Variants in HECW1 observed in about 807,000 individuals in gnomAD.
The protein encoded by HECW1 is E3 ubiquitin-protein ligase HECW1.
HECW1 carries 61 observed loss-of-function variants against 182.3 expected under a neutral mutation model. The observed-to-expected ratio is 0.33, with a 90% CI of 0.27 to 0.41. HECW1 has a LOEUF of 0.41. Ranked by LOEUF, HECW1 falls within the 10% of genes least tolerant of loss-of-function variation. The pLI is 1.00. For missense variants in HECW1, 1,739 were observed against 2,108.9 expected (o/e 0.82, Z 3.44); for synonymous variants, 859 against 832.6 (o/e 1.03, Z -0.55).
At position 43,541,929 on chromosome 7, in the gene HECW1, G is replaced by C; in HGVS notation, c.4179G>C (p.Trp1393Cys). Residue 1393 changes from tryptophan to cysteine, a missense_variant, in exon 26 of 30, where the codon TGG becomes TGC. Around this residue, in one of 5 missense-constraint regions of HECW1, gnomAD observed 420 missense variants for 595.7 expected, o/e 0.71. Coordinates refer to ENST00000395891, the MANE Select transcript of HECW1 (RefSeq NM_015052.5). ...LDEEFHQSLQWMKDNNITDIL... is the reference protein window; with the variant it reads ...LDEEFHQSLQCMKDNNITDIL... The stretch of plus-strand genomic sequence containing the variant: ...AGGAATTCCACCAGAGTTTGCAGTG[G>C]ATGAAGGACAACAACATCACAGACA... 1 of 1,563,158 alleles carries C rather than the reference G, an allele frequency of 6.4e-7. No homozygotes were observed. The highest frequency in any genetic ancestry group is 8.7e-7 in the Non-Finnish European group (1 of 1,154,498).
chr7:43,217,221 C>T (rs1796525324), intron 2 of HECW1, among the ~76,000 whole-genome samples: 2 of 152,198 alleles, frequency 1.3e-5, no homozygotes, highest in African/African-American at 2.4e-5. Context: ...CACTCACTTA[C>T]CTTTCTCATC....
intron 3 of HECW1, among the ~76,000 whole-genome samples, chr7:43,295,808 C>T (rs1437852491): frequency 6.6e-6 from 1 of 152,122 alleles, no homozygotes; most frequent in Non-Finnish European, 1.5e-5. Flanking sequence ...TCATTGTAAG[C>T]CCATTTATAC....
At chr7:43,550,110 A>AT (rs1478027918) in intron 26 of HECW1, among the ~76,000 whole-genome samples, 2 of 151,594 alleles carry the variant, frequency 1.3e-5, no homozygotes, top group Non-Finnish European at 2.9e-5. Flanking sequence ...CTACCAAAAA[A>AT]AAAGAAGAAG....
intron 8 of HECW1, among the ~76,000 whole-genome samples, chr7:43,429,865 C>T (rs1303024352): frequency 6.6e-6 from 1 of 152,194 alleles, no homozygotes; most frequent in African/African-American, 2.4e-5. Context: ...TATCTCGCTG[C>T]AAGAGAGGAG....
intron 26 of HECW1, among the ~76,000 whole-genome samples, chr7:43,547,675 G>T (rs940756086): frequency 1.3e-5 from 2 of 152,148 alleles, no homozygotes; most frequent in African/African-American, 4.8e-5. Flanking sequence ...TTTTTACAAT[G>T]GTCCCTATGC....
chr7:43,552,006 C>T (rs955361998), intron 27 of HECW1, among the ~76,000 whole-genome samples: 3 of 152,138 alleles, frequency 2.0e-5, no homozygotes, highest in Non-Finnish European at 2.9e-5. Flanking sequence ...ATACGATCCC[C>T]TCAGGGGTGA....
intron 27 of HECW1, among the ~76,000 whole-genome samples, chr7:43,551,723 A>G (rs1368212860): frequency 6.6e-6 from 1 of 152,192 alleles, no homozygotes; most frequent in Non-Finnish European, 1.5e-5. Flanking sequence ...ATTTAAGTCA[A>G]TGATCATCGT....
At chr7:43,451,789 C>T (rs997831423) in intron 12 of HECW1, among the ~76,000 whole-genome samples, 3 of 152,122 alleles carry the variant, frequency 2.0e-5, no homozygotes, top group Non-Finnish European at 2.9e-5. Flanking sequence ...TTTGGTTTTG[C>T]TTATTTTTCA....
intron 3 of HECW1, among the ~76,000 whole-genome samples, chr7:43,259,097 G>A (rs978711069): frequency 6.6e-6 from 1 of 152,146 alleles, no homozygotes; most frequent in African/African-American, 2.4e-5. Context: ...TACAAAAAAT[G>A]TCCACTTTGG....
At chr7:43,535,951 A>G (rs1333716921) in intron 24 of HECW1, among the ~76,000 whole-genome samples, 2 of 152,264 alleles carry the variant, frequency 1.3e-5, no homozygotes, top group Non-Finnish European at 2.9e-5. Flanking sequence ...AACTTGCAAC[A>G]TACTAAAACC....
chr7:43,509,138 T>C lies in HECW1; in HGVS notation c.4019+17T>C. ...TCTTGAGTGGTAAGCTCTATAATGT[T>C]CACTTTCTTGTATTTGAAAGTTCTC... On this transcript the variant is annotated intron_variant, in intron 24 of 29. Coordinates refer to ENST00000395891, the MANE Select transcript of HECW1 (RefSeq NM_015052.5). 1 of 1,607,108 alleles carries C rather than the reference T, an allele frequency of 6.2e-7. No individual in the cohort carries two copies. Among genetic ancestry groups the C allele is most frequent in the South Asian group, 1.1e-5 (1 of 89,294 alleles).
chr7:43,249,184 T>G (rs1799773366), intron 3 of HECW1: 1 of 152,314 alleles, frequency 6.6e-6, no homozygotes, highest in Non-Finnish European at 1.5e-5. Flanking sequence ...GCCCGGTACC[T>G]GGGTGTGACT....
rs932372753 is a variant in HECW1, at chr7:43,487,141, AT to A, written c.3235-4925del. On this transcript the variant is annotated intron_variant, in intron 17 of 29. Coordinates refer to ENST00000395891, the MANE Select transcript of HECW1 (RefSeq NM_015052.5). The stretch of plus-strand genomic sequence containing the variant: ...TGAGCCCTTCCTGTGAACTTGCTAC[AT>A]TTTTTTTTATCAAGTCTCCAGTGTT... 5.3e-5 allele frequency among the ~76,000 whole-genome samples: 8 copies of A among 151,556 alleles called. No homozygotes were observed. In the East Asian group the frequency reaches 5.8e-4, roughly 11 times the overall value.
chr7:43,215,022 AT>A (rs1796320994), intron 2 of HECW1, among the ~76,000 whole-genome samples: 1 of 152,186 alleles, frequency 6.6e-6, no homozygotes, highest in South Asian at 2.1e-4. Flanking sequence ...CCTTTTGGGT[AT>A]TTATTCACTT....
chr7:43,272,051 C>T (rs1324965780), intron 3 of HECW1, among the ~76,000 whole-genome samples: 1 of 151,946 alleles, frequency 6.6e-6, no homozygotes, highest in African/African-American at 2.4e-5. Context: ...CACCCCCCTA[C>T]AGTCATGTAA....
intron 3 of HECW1, among the ~76,000 whole-genome samples, chr7:43,293,553 C>A (rs114791885): frequency 0.014 from 2,150 of 152,228 alleles, 53 homozygotes; most frequent in African/African-American, 0.048. Flanking sequence ...ATGAAACAAC[C>A]TTAGGTTCCC....
chr7:43,132,168 C>A (rs983793514), intron 2 of HECW1, among the ~76,000 whole-genome samples: 1 of 151,598 alleles, frequency 6.6e-6, no homozygotes, highest in Non-Finnish European at 1.5e-5. Context: ...CTCACAGCGC[C>A]CCCCCGCCCC....
intron 5 of HECW1, among the ~76,000 whole-genome samples, chr7:43,328,892 G>A (rs1227578478): frequency 6.6e-6 from 1 of 152,108 alleles, no homozygotes; most frequent in African/African-American, 2.4e-5. Context: ...TTGCCAAGTC[G>A]GTGTGAGAAC....
intron 7 of HECW1, among the ~76,000 whole-genome samples, chr7:43,403,456 G>A (rs984875111): frequency 1.3e-5 from 2 of 152,158 alleles, no homozygotes; most frequent in Non-Finnish European, 2.9e-5. Context: ...CTGGTCTGAA[G>A]TCATCTCTGG....
Sources: allele counts gnomAD v4.1 joint callset (sites outside exome capture counted in the v4.1 genomes callset), GRCh38; gene constraint gnomAD v4.1.1; regional missense constraint gnomAD v4.1.1; transcripts MANE v1.5; gene names NCBI Gene and HGNC (gene_info 2026-07-23, HGNC 2026-07-21).